The following SPHKAP variants were observed in gnomAD, a reference collection of about 807,000 sequenced individuals.
The protein encoded by SPHKAP is SPHK1 interactor, AKAP domain containing, also known as A-kinase anchor protein SPHKAP.
Under a neutral mutation model 137.5 loss-of-function variants are expected in SPHKAP, and 67 were observed. The observed-to-expected ratio is 0.49, with a 90% CI of 0.40 to 0.60. The LOEUF (loss-of-function observed/expected upper bound fraction) is 0.60, where lower values mean the gene tolerates loss of function less well. Among genes scored for constraint, SPHKAP ranks in the 20% least tolerant of loss-of-function variants. The pLI, the probability that SPHKAP is intolerant of heterozygous loss-of-function variation, is 0.00. For missense variants in SPHKAP, 2,097 were observed against 2,069.3 expected (o/e 1.01, Z -0.26); for synonymous variants, 813 against 785.3 (o/e 1.04, Z -0.59).
chr2:228,154,506 C>CTATATATATATATATA (rs1397617929), intron 1 of SPHKAP, among the ~76,000 whole-genome samples: 11 of 29,896 alleles, frequency 3.7e-4, no homozygotes, highest in African/African-American at 4.5e-4. Flanking sequence ...CTCTCTCTCT[C>CTATATATATATATATA]TCTCTCTATA....
At chr2:228,028,948 T>TA (rs57862352) in intron 3 of SPHKAP, among the ~76,000 whole-genome samples, 1 of 151,946 alleles carries the variant, frequency 6.6e-6, no homozygotes, top group African/African-American at 2.4e-5. Flanking sequence ...TTTTGAAAGA[T>TA]AAAAAGACTT....
intron 3 of SPHKAP, among the ~76,000 whole-genome samples, chr2:228,094,237 T>G (rs1421516482): frequency 6.6e-6 from 1 of 152,212 alleles, no homozygotes; most frequent in Non-Finnish European, 1.5e-5. Flanking sequence ...TTAAAAGTGA[T>G]GTATTCACTG....
At chr2:228,096,745 C>T (rs1697998396) in intron 3 of SPHKAP, among the ~76,000 whole-genome samples, 1 of 151,970 alleles carries the variant, frequency 6.6e-6, no homozygotes, top group Non-Finnish European at 1.5e-5. Context: ...AAAGCAGTCT[C>T]TGGTCTATAA....
intron 3 of SPHKAP, among the ~76,000 whole-genome samples, chr2:228,032,836 T>G (rs992833413): frequency 1.2e-4 from 18 of 152,254 alleles, no homozygotes; most frequent in Non-Finnish European, 2.5e-4. Flanking sequence ...CTGAGAGATT[T>G]TGTCACCACC....
At chr2:228,013,524 C>T (rs900398157) in intron 7 of SPHKAP, among the ~76,000 whole-genome samples, 2 of 152,128 alleles carry the variant, frequency 1.3e-5, no homozygotes, top group Admixed American at 1.3e-4. Context: ...GGATTATAGG[C>T]GTGAGCCACC....
chr2:228,101,858 T>C (rs1698191007), intron 3 of SPHKAP, among the ~76,000 whole-genome samples: 1 of 152,200 alleles, frequency 6.6e-6, no homozygotes, highest in East Asian at 1.9e-4. Context: ...AAAATATGTC[T>C]CTAGAAGTGG....
At chr2:228,010,023 C>T (rs1466606724) in intron 7 of SPHKAP, among the ~76,000 whole-genome samples, 1 of 152,148 alleles carries the variant, frequency 6.6e-6, no homozygotes, top group Non-Finnish European at 1.5e-5. Flanking sequence ...TCTTTCTCTG[C>T]ATATCTCCCT....
chr2:228,179,614 A>G (rs1318794891), intron 1 of SPHKAP, among the ~76,000 whole-genome samples: 1 of 152,180 alleles, frequency 6.6e-6, no homozygotes, highest in African/African-American at 2.4e-5. Context: ...TACTACACTG[A>G]TTTGTGGAAA....
At chr2:228,030,972 A>G (rs923993799) in intron 3 of SPHKAP, among the ~76,000 whole-genome samples, 1 of 152,176 alleles carries the variant, frequency 6.6e-6, no homozygotes, top group Non-Finnish European at 1.5e-5. Context: ...AAGATGGGTG[A>G]TTTCTGCATT....
At chr2:228,147,699 T>A (rs1454420501) in intron 1 of SPHKAP, among the ~76,000 whole-genome samples, 1 of 152,214 alleles carries the variant, frequency 6.6e-6, no homozygotes, top group East Asian at 1.9e-4. Flanking sequence ...AGCTTTGTTG[T>A]TACCGAAGGG....
chr2:228,055,562 C>T (rs1696408779), intron 3 of SPHKAP, among the ~76,000 whole-genome samples: 1 of 152,208 alleles, frequency 6.6e-6, no homozygotes, highest in African/African-American at 2.4e-5. Flanking sequence ...ATTCTTGCTC[C>T]TCCCTGCATT....
chr2:228,133,194 C>A (rs1031543331), intron 1 of SPHKAP, among the ~76,000 whole-genome samples: 1 of 151,856 alleles, frequency 6.6e-6, no homozygotes, highest in Non-Finnish European at 1.5e-5. Flanking sequence ...GTAGTCCCAA[C>A]TACTTGGTAG....
intron 11 of SPHKAP, chr2:227,982,116 G>C: frequency 1.0e-6 from 1 of 983,150 alleles, no homozygotes. Context: ...GGTGGAATGA[G>C]ACTAATTCTT....
intron 1 of SPHKAP, among the ~76,000 whole-genome samples, chr2:228,175,148 T>C (rs1008176276): frequency 1.3e-5 from 2 of 151,920 alleles, no homozygotes; most frequent in African/African-American, 4.8e-5. Flanking sequence ...GGAAAACTAT[T>C]TTAAGAAATT....
chr2:228,174,829 G>T (rs1222294637), intron 1 of SPHKAP, among the ~76,000 whole-genome samples: 1 of 152,036 alleles, frequency 6.6e-6, no homozygotes, highest in Admixed American at 6.6e-5. Flanking sequence ...ATGCAAGCTC[G>T]CATGATTAGT....
In SPHKAP at chr2:227,991,160, C is replaced by G; in HGVS notation, c.4799G>C (p.Gly1600Ala). 1 of 1,614,054 alleles carries G rather than the reference C, an allele frequency of 6.2e-7. No homozygotes were observed. Among genetic ancestry groups the G allele is most frequent in the Non-Finnish European group, 8.5e-7 (1 of 1,179,994 alleles). ...CAGGCTCCTCTGGGGGCTGGCTGTT[C>G]CCGTAGGCGGTCCAGATGCAGGTGC... ...TEAPASGPPTGTASPQRSLLV... is the reference protein window; with the variant it reads ...TEAPASGPPTATASPQRSLLV... The change falls in exon 11 of 12, where the codon GGA becomes GCA. Residue 1600 changes from glycine (G) to alanine (A), a missense_variant. Coordinates refer to ENST00000392056, the MANE Select transcript of SPHKAP (RefSeq NM_001142644.2).
At position 228,018,641 on chromosome 2, in the gene SPHKAP, G is replaced by A; in HGVS notation, c.2213C>T (p.Ser738Phe). ...CTCCCTCCTTCTGATGGTCTCCTTAGAAAGGACAGCAGGACATTCACCAAG... is the reference window on the plus strand; with the variant it reads ...CTCCCTCCTTCTGATGGTCTCCTTAAAAAGGACAGCAGGACATTCACCAAG... ...VRLGECPAVLSKETIRRRETE... is the reference protein window; with the variant it reads ...VRLGECPAVLFKETIRRRETE... The change falls in exon 7 of 12, where the codon TCT becomes TTT. Residue 738 changes from serine (S) to phenylalanine (F), a missense_variant. Physicochemically the swap from Ser to Phe is radical, Grantham distance 155. Coordinates refer to ENST00000392056, the MANE Select transcript of SPHKAP (RefSeq NM_001142644.2). The A allele has an allele frequency of 6.2e-7, 1 of 1,614,174 alleles. No homozygotes were observed. The highest frequency in any genetic ancestry group is 8.5e-7 in the Non-Finnish European group (1 of 1,180,038).
chr2:228,169,096 A>C (rs1700506089), intron 1 of SPHKAP, among the ~76,000 whole-genome samples: 1 of 152,146 alleles, frequency 6.6e-6, no homozygotes, highest in Non-Finnish European at 1.5e-5. Context: ...AAGCCAGCAG[A>C]GGTTGGTTCA....
intron 2 of SPHKAP, among the ~76,000 whole-genome samples, chr2:228,112,784 A>G (rs896296917): frequency 6.6e-6 from 1 of 152,158 alleles, no homozygotes; most frequent in Non-Finnish European, 1.5e-5. Context: ...CAGATATTTT[A>G]AAGATTTTTT....
Sources: gnomAD v4.1 joint callset for allele counts (sites outside exome capture counted in the v4.1 genomes callset) on GRCh38, gnomAD v4.1.1 for gene constraint, MANE v1.5 for transcripts, NCBI Gene and HGNC (gene_info 2026-07-23, HGNC 2026-07-21) for gene names.